C12orf54: variants seen among roughly 807,000 people sequenced by gnomAD.
The protein encoded by C12orf54 is chromosome 12 open reading frame 54, also known as uncharacterized protein C12orf54.
C12orf54 carries 24 observed loss-of-function variants against 26.4 expected under a neutral mutation model. The ratio of observed to expected loss-of-function variants is 0.91; its 90% CI spans 0.66 to 1.28. C12orf54 has a LOEUF of 1.28. C12orf54 is among the 50% of genes most tolerant of loss of function. The pLI is 0.00. For synonymous variants in C12orf54, 54 were observed against 47.0 expected, an observed-to-expected ratio of 1.15 and a Z score of -0.61; for missense variants, 154 against 150.9, an observed-to-expected ratio of 1.02 and a Z score of -0.11.
At chr12:48,472,798 A>G in the C12orf54 span, 1 of 1,614,200 alleles carries the variant, frequency 6.2e-7, no homozygotes, top group African/African-American at 1.3e-5. Flanking sequence ...GAAGAACTGG[A>G]ATTATTAAAT....
the C12orf54 span, among the ~76,000 whole-genome samples, chr12:48,470,412 T>C: frequency 1.3e-5 from 2 of 152,232 alleles, no homozygotes; most frequent in Non-Finnish European, 2.9e-5. Flanking sequence ...TGGTATCTCA[T>C]TGTGATTTTG....
At chr12:48,423,935 A>C in the C12orf54 span, among the ~76,000 whole-genome samples, 1 of 152,140 alleles carries the variant, frequency 6.6e-6, no homozygotes, top group African/African-American at 2.4e-5. Context: ...GAAAGCACTC[A>C]GTGTTTTTTC....
the C12orf54 span, among the ~76,000 whole-genome samples, chr12:48,475,295 A>G: frequency 1.1e-3 from 161 of 145,320 alleles, no homozygotes; most frequent in African/African-American, 3.9e-3. Flanking sequence ...CAAAGATGGG[A>G]AAAAAAGAGA....
At chr12:48,486,153 G>T (rs1409173786) in intron 2 of C12orf54, 25 bp from the exon 3 acceptor site, 1 of 1,599,906 alleles carries the variant, frequency 6.3e-7, no homozygotes, top group East Asian at 2.2e-5. Flanking sequence ...CTCCTCATCA[G>T]GTTTATATCA....
chr12:48,493,741 GA>G (rs1377594546), intron 7 of C12orf54, among the ~76,000 whole-genome samples: 1 of 97,028 alleles, frequency 1.0e-5, no homozygotes, highest in Non-Finnish European at 2.4e-5. Flanking sequence ...CTAATATTGA[GA>G]AATGTCACTT....
chr12:48,472,069 T>A, the C12orf54 span, among the ~76,000 whole-genome samples: 1 of 152,208 alleles, frequency 6.6e-6, no homozygotes, highest in Non-Finnish European at 1.5e-5. Flanking sequence ...TCTCCTTGGT[T>A]AGCTGTATTC....
the C12orf54 span, among the ~76,000 whole-genome samples, chr12:48,455,183 T>C: frequency 6.6e-6 from 1 of 152,146 alleles, no homozygotes. Context: ...CACTTATAAA[T>C]AAGAACATGC....
chr12:48,488,080 T>C (rs768030404), intron 4 of C12orf54: 10 of 931,834 alleles, frequency 1.1e-5, no homozygotes, highest in Admixed American at 1.7e-5. Context: ...CTTCACATCA[T>C]GAAGGCCATG....
At chr12:48,491,030 C>T (rs944449535) in intron 6 of C12orf54, among the ~76,000 whole-genome samples, 194 bp downstream of exon 6, 7 of 152,234 alleles carry the variant, frequency 4.6e-5, no homozygotes, top group Admixed American at 3.3e-4. Flanking sequence ...TCTTCCCCTG[C>T]TTCAACCAAG....
At chr12:48,443,533 A>C in the C12orf54 span, among the ~76,000 whole-genome samples, 68,875 of 152,016 alleles carry the variant, frequency 0.45, 17,549 homozygotes, top group Middle Eastern at 0.6. Flanking sequence ...AAAGGGAAAT[A>C]ATCAGAGAGA....
the C12orf54 span, among the ~76,000 whole-genome samples, chr12:48,439,140 T>G: frequency 0.31 from 47,034 of 151,852 alleles, 7,780 homozygotes; most frequent in African/African-American, 0.35. Flanking sequence ...AAAAAACACA[T>G]GAAAAAATGC....
At chr12:48,477,455 G>A in the C12orf54 span, among the ~76,000 whole-genome samples, 2 of 152,296 alleles carry the variant, frequency 1.3e-5, no homozygotes, top group African/African-American at 4.8e-5. Context: ...AATGAATCCA[G>A]GAGCTGGTTT....
the C12orf54 span, among the ~76,000 whole-genome samples, chr12:48,419,778 G>T: frequency 6.6e-6 from 1 of 152,088 alleles, no homozygotes; most frequent in African/African-American, 2.4e-5. Context: ...AGAGCCTCGA[G>T]GTACTCTGAC....
chr12:48,437,417 C>T, the C12orf54 span, among the ~76,000 whole-genome samples: 3 of 152,112 alleles, frequency 2.0e-5, no homozygotes, highest in African/African-American at 4.8e-5. Context: ...CAGCATCATC[C>T]TCATACCAAA....
chr12:48,452,178 C>CCA, the C12orf54 span, among the ~76,000 whole-genome samples: 3 of 152,038 alleles, frequency 2.0e-5, no homozygotes, highest in East Asian at 5.8e-4. Context: ...AGAAATAAGA[C>CCA]CACACACCTA....
At chr12:48,475,856 A>G in the C12orf54 span, among the ~76,000 whole-genome samples, 5 of 152,042 alleles carry the variant, frequency 3.3e-5, no homozygotes, top group African/African-American at 4.8e-5. Flanking sequence ...CCCCAATCTA[A>G]CAAGGCAGGC....
the C12orf54 span, among the ~76,000 whole-genome samples, chr12:48,447,733 C>A: frequency 3.9e-5 from 6 of 152,098 alleles, no homozygotes; most frequent in African/African-American, 1.4e-4. Context: ...TGACTGCTAC[C>A]TTACATGGCA....
the C12orf54 span, among the ~76,000 whole-genome samples, chr12:48,417,574 T>A: frequency 6.6e-6 from 1 of 152,200 alleles, no homozygotes; most frequent in Non-Finnish European, 1.5e-5. Context: ...TCAAAAAATT[T>A]TTTTTATAAT....
At chr12:48,478,072 G>T (rs1422827452), upstream of C12orf54, among the ~76,000 whole-genome samples, 1 of 152,172 alleles carries the variant, frequency 6.6e-6, no homozygotes, top group Admixed American at 6.5e-5. Context: ...CTTCATCCCT[G>T]GGATGCAAGG....
Sources: allele counts gnomAD v4.1 joint callset (sites outside exome capture counted in the v4.1 genomes callset), GRCh38; gene constraint gnomAD v4.1.1; transcripts MANE v1.5; gene names NCBI Gene and HGNC (gene_info 2026-07-23, HGNC 2026-07-21).